The following RSPO2 variants were observed in gnomAD, a reference collection of about 807,000 sequenced individuals.
The protein encoded by RSPO2 is R-spondin 2, also known as R-spondin-2.
RSPO2 carries 14 observed loss-of-function variants against 30.9 expected under a neutral mutation model. The ratio of observed to expected loss-of-function variants is 0.45; its 90% CI spans 0.30 to 0.71. The LOEUF (loss-of-function observed/expected upper bound fraction) is 0.71. Among genes scored for constraint, RSPO2 ranks in the 30% least tolerant of loss-of-function variants. The pLI, the probability that RSPO2 is intolerant of heterozygous loss-of-function variation, is 0.08. For synonymous variants in RSPO2, 107 were observed against 96.4 expected, an observed-to-expected ratio of 1.11 and a Z score of -0.64; for missense variants, 264 against 301.9, an observed-to-expected ratio of 0.87 and a Z score of 0.93.
At chr8:107,955,947 C>A (rs187932888) in intron 5 of RSPO2, among the ~76,000 whole-genome samples, 50 of 152,316 alleles carry the variant, frequency 3.3e-4, no homozygotes, top group Non-Finnish European at 6.3e-4. Flanking sequence ...AAGCAGATCA[C>A]TGAAATCAAA....
At chr8:108,010,593 G>T (rs540780502) in intron 2 of RSPO2, among the ~76,000 whole-genome samples, 2 of 152,176 alleles carry the variant, frequency 1.3e-5, no homozygotes, top group Non-Finnish European at 2.9e-5. Flanking sequence ...GGACAGAGAT[G>T]CAGAGAGCCT....
chr8:108,056,570 C>A (rs1294795233), intron 2 of RSPO2, among the ~76,000 whole-genome samples: 43 of 141,536 alleles, frequency 3.0e-4, no homozygotes, highest in Non-Finnish European at 5.4e-4. Flanking sequence ...CTGCAGTGAA[C>A]CAAGATGGCA....
rs1024606935 is a variant in RSPO2 at position 107,900,312 on chromosome 8, A to G, written c.*763T>C. 1 of 152,132 alleles carries G rather than the reference A, an allele frequency of 6.6e-6. No individual in the cohort carries two copies. Among genetic ancestry groups the G allele is most frequent in the African/African-American group, 2.4e-5 (1 of 41,416 alleles). 9.4% of individuals were successfully genotyped at this position (152,132 alleles called of 1,614,324 possible). ...ACAAAAACTAGTTTATCCTACCCTT[A>G]CAATGAGAAATAAGCCCACAATGAG... On this transcript the variant is annotated 3_prime_UTR_variant, in exon 6 of 6. Transcript: ENST00000276659.
At chr8:108,003,312 T>TATATATATATA (rs1554580931) in intron 2 of RSPO2, among the ~76,000 whole-genome samples, 2 of 10,754 alleles carry the variant, frequency 1.9e-4, no homozygotes, top group Non-Finnish European at 2.0e-4. Context: ...TATATATATA[T>TATATATATATA]TTTTTTTTTT....
At chr8:108,035,511 C>T (rs892042196) in intron 2 of RSPO2, among the ~76,000 whole-genome samples, 5 of 152,038 alleles carry the variant, frequency 3.3e-5, no homozygotes, top group African/African-American at 1.2e-4. Context: ...CGCTCTGTTG[C>T]GCAGGCTGGA....
chr8:108,027,104 AATC>A (rs1406522977), intron 2 of RSPO2, among the ~76,000 whole-genome samples: 1 of 152,214 alleles, frequency 6.6e-6, no homozygotes, highest in African/African-American at 2.4e-5. Flanking sequence ...GGTTTTTTCA[AATC>A]ATCAGATTTC....
intron 2 of RSPO2, among the ~76,000 whole-genome samples, chr8:108,081,222 C>T (rs555662555): frequency 6.6e-6 from 1 of 152,120 alleles, no homozygotes; most frequent in Non-Finnish European, 1.5e-5. Context: ...TGGAGCTCTG[C>T]GCTCAGGTGG....
At chr8:107,933,922 TTTTAATATATTTTTTAA>T (rs1398969178) in intron 5 of RSPO2, among the ~76,000 whole-genome samples, 1 of 152,176 alleles carries the variant, frequency 6.6e-6, no homozygotes, top group Non-Finnish European at 1.5e-5. Flanking sequence ...ATAACCACAT[TTTTAATATATTTTTTAA>T]ACCTGTTAAG....
intron 2 of RSPO2, among the ~76,000 whole-genome samples, chr8:108,016,251 T>G (rs1563564925): frequency 6.6e-6 from 1 of 152,150 alleles, no homozygotes; most frequent in South Asian, 2.1e-4. Context: ...GGATATATGC[T>G]CCACAAAAAC....
At chr8:107,928,251 C>T (rs1219999599) in intron 5 of RSPO2, among the ~76,000 whole-genome samples, 2 of 152,120 alleles carry the variant, frequency 1.3e-5, no homozygotes, top group Non-Finnish European at 2.9e-5. Flanking sequence ...TCTCTACATT[C>T]CTTAAACCTT....
intron 5 of RSPO2, among the ~76,000 whole-genome samples, chr8:107,944,419 T>C (rs1206553760): frequency 1.3e-5 from 2 of 152,226 alleles, no homozygotes; most frequent in African/African-American, 4.8e-5. Flanking sequence ...TAACTTTTTA[T>C]TGGTATATCA....
chr8:108,066,057 A>AAAAAAAGT (rs1441813958), intron 2 of RSPO2, among the ~76,000 whole-genome samples: 1 of 152,096 alleles, frequency 6.6e-6, no homozygotes, highest in African/African-American at 2.4e-5. Context: ...AGAAAAAAAG[A>AAAAAAAGT]AAAAGAAAAA....
chr8:107,965,114 T>C (rs1173179818), intron 3 of RSPO2, among the ~76,000 whole-genome samples: 1 of 152,176 alleles, frequency 6.6e-6, no homozygotes, highest in East Asian at 1.9e-4. Flanking sequence ...TTACTAAACA[T>C]AGGACTTTTC....
rs1205823214 is a variant in RSPO2, at chr8:107,899,435, G to GTAAA, written c.*1636_*1639dup. On this transcript the variant is annotated 3_prime_UTR_variant, in exon 6 of 6. Transcript: ENST00000276659. ...CCCACTTAGTAAATGGGAAAATAGT[G>GTAAA]TAAATAGACATGAAAGGAGGTAACA... 6.6e-6 allele frequency: 1 copy of GTAAA among 151,182 alleles called. No homozygotes were observed. Among genetic ancestry groups the GTAAA allele is most frequent in the African/African-American group, 2.4e-5 (1 of 41,364 alleles). 9.4% of individuals were successfully genotyped at this position (151,182 alleles called of 1,614,324 possible). A position where few individuals can be genotyped will look rare whatever the true frequency, so the allele number is the denominator to read the frequency against.
At chr8:108,066,777 T>C (rs1298846449) in intron 2 of RSPO2, among the ~76,000 whole-genome samples, 2 of 152,190 alleles carry the variant, frequency 1.3e-5, no homozygotes, top group African/African-American at 4.8e-5. Context: ...AAAAAATCAC[T>C]ATTTTGCAAC....
chr8:107,998,151 T>C (rs187461163), intron 2 of RSPO2, among the ~76,000 whole-genome samples: 2 of 152,096 alleles, frequency 1.3e-5, no homozygotes, highest in Admixed American at 6.5e-5. Context: ...AAATTGCTAA[T>C]GTATGCCTCT....
intron 2 of RSPO2, among the ~76,000 whole-genome samples, chr8:108,079,888 A>G (rs1386907717): frequency 6.6e-6 from 1 of 152,180 alleles, no homozygotes; most frequent in African/African-American, 2.4e-5. Context: ...AAAGGGGAAA[A>G]AGGGAAATGT....
At chr8:107,963,243 A>T (rs1315768966) in intron 3 of RSPO2, among the ~76,000 whole-genome samples, 1 of 151,818 alleles carries the variant, frequency 6.6e-6, no homozygotes, top group Non-Finnish European at 1.5e-5. Context: ...AAAAAAAAAA[A>T]AGACAAGTTG....
intron 5 of RSPO2, among the ~76,000 whole-genome samples, chr8:107,906,399 A>G (rs921176481): frequency 6.6e-6 from 1 of 150,692 alleles, no homozygotes; most frequent in Non-Finnish European, 1.5e-5. Context: ...TTATATTTTT[A>G]TATTTTATAT....
Sources: allele counts gnomAD v4.1 joint callset (sites outside exome capture counted in the v4.1 genomes callset), GRCh38; gene constraint gnomAD v4.1.1; transcripts MANE v1.5; gene names NCBI Gene and HGNC (gene_info 2026-07-23, HGNC 2026-07-21).